The following LAMA2 variants were observed in gnomAD, a reference collection of about 807,000 sequenced individuals.
LAMA2 encodes the protein laminin subunit alpha 2, also known as laminin subunit alpha-2.
LAMA2 carries 269 observed loss-of-function variants against 364.8 expected under a neutral mutation model. The observed-to-expected ratio is 0.74, with a 90% confidence interval of 0.67 to 0.82. The LOEUF (loss-of-function observed/expected upper bound fraction) is 0.82. LAMA2 is among the 40% of genes least tolerant of loss of function. The pLI, the probability that LAMA2 is intolerant of heterozygous loss-of-function variation, is 0.00. For missense variants in LAMA2, 3,807 were observed against 3,873.2 expected, an observed-to-expected ratio of 0.98 and a Z score of 0.45; for synonymous variants, 1,379 against 1,370.6, an observed-to-expected ratio of 1.01 and a Z score of -0.14.
At chr6:129,263,437 G>T (rs1184062479) in intron 15 of LAMA2, among the ~76,000 whole-genome samples, 2 of 152,116 alleles carry the variant, frequency 1.3e-5, no homozygotes, top group African/African-American at 4.8e-5. Context: ...GTCAGGAAAG[G>T]CTTCCTGAGG....
intron 33 of LAMA2, among the ~76,000 whole-genome samples, chr6:129,369,063 T>A (rs1191512648): frequency 6.6e-6 from 1 of 152,190 alleles, no homozygotes; most frequent in Non-Finnish European, 1.5e-5. Context: ...AGCACTCAAC[T>A]GGGTGCTATT....
intron 12 of LAMA2, among the ~76,000 whole-genome samples, chr6:129,236,689 A>G (rs141114036): frequency 1.3e-5 from 2 of 152,210 alleles, no homozygotes; most frequent in African/African-American, 4.8e-5. Flanking sequence ...CTATTCTTCC[A>G]TGTTTTAATA....
At chr6:129,283,251 T>G (rs1231956676) in intron 18 of LAMA2, among the ~76,000 whole-genome samples, 2 of 152,122 alleles carry the variant, frequency 1.3e-5, no homozygotes, top group Non-Finnish European at 2.9e-5. Context: ...AGACAGAATC[T>G]TGAAGGGCTA....
At chr6:129,158,912 T>A in intron 8 of LAMA2, 1 of 1,605,800 alleles carries the variant, frequency 6.2e-7, no homozygotes, top group African/African-American at 1.3e-5. Flanking sequence ...ATTAATAGCA[T>A]CATCTGGGCA....
In LAMA2 at chr6:129,047,097, C is replaced by A. The variant is rs574057452; in HGVS notation, c.113-2821C>A. 3.3e-5 allele frequency among the ~76,000 whole-genome samples: 5 copies of A among 152,084 alleles called. No homozygotes were observed. The East Asian group carries it at 9.6e-4, about 29-fold the overall frequency. ...ATAAAATGTCTAAGATAGATAATGG[C>A]GTGGAGACCATCTAATTATTTTTAA... On this transcript the variant is annotated intron_variant, in intron 1 of 64. Transcript: ENST00000421865.
At chr6:128,986,848 A>G (rs1297365142) in intron 1 of LAMA2, among the ~76,000 whole-genome samples, 5 of 152,090 alleles carry the variant, frequency 3.3e-5, no homozygotes, top group Non-Finnish European at 7.4e-5. Flanking sequence ...ATGATGTAAA[A>G]ACTTTTACAT....
intron 53 of LAMA2, among the ~76,000 whole-genome samples, chr6:129,477,174 C>T (rs540651734): frequency 6.6e-6 from 1 of 152,284 alleles, no homozygotes; most frequent in Admixed American, 6.5e-5. Flanking sequence ...AGCCACAAGT[C>T]ACAGTAGCTA....
chr6:129,473,626 G>C (rs1443321601), intron 52 of LAMA2, among the ~76,000 whole-genome samples: 1 of 151,600 alleles, frequency 6.6e-6, no homozygotes, highest in African/African-American at 2.4e-5. Flanking sequence ...AAAGGTAGAA[G>C]CCAGAGTTGA....
chr6:129,334,126 A>T (rs755840205), intron 29 of LAMA2, among the ~76,000 whole-genome samples: 1 of 152,232 alleles, frequency 6.6e-6, no homozygotes, highest in Non-Finnish European at 1.5e-5. Flanking sequence ...ACTCCCACAC[A>T]GTAAGTGAGG....
At chr6:128,921,714 A>ATTTTTTTT (rs1229128215) in intron 1 of LAMA2, among the ~76,000 whole-genome samples, 4 of 110,314 alleles carry the variant, frequency 3.6e-5, no homozygotes, top group Admixed American at 8.7e-5. Flanking sequence ...TTTTTTTTTT[A>ATTTTTTTT]TTATTATTAT....
intron 12 of LAMA2, among the ~76,000 whole-genome samples, chr6:129,221,592 T>G (rs1431598100): frequency 2.0e-5 from 3 of 152,132 alleles, no homozygotes; most frequent in Admixed American, 2.0e-4. Flanking sequence ...TTGGCAATAA[T>G]TAAGAATTTA....
chr6:128,902,704 G>A (rs998218269), intron 1 of LAMA2, among the ~76,000 whole-genome samples: 2 of 152,076 alleles, frequency 1.3e-5, no homozygotes, highest in Admixed American at 6.5e-5. Context: ...TTTAGAGACA[G>A]GGTCTCCCTC....
At chr6:129,263,896 T>C (rs1395840811) in intron 15 of LAMA2, among the ~76,000 whole-genome samples, 1 of 151,958 alleles carries the variant, frequency 6.6e-6, no homozygotes, top group African/African-American at 2.4e-5. Flanking sequence ...TATACCACCA[T>C]GCCCAGCTAT....
At chr6:129,260,643 C>T (rs1241000507) in intron 14 of LAMA2, 68 bp from the exon 15 acceptor site, 11 of 931,626 alleles carry the variant, frequency 1.2e-5, no homozygotes, top group South Asian at 5.2e-5. Flanking sequence ...TGTTGCTGTA[C>T]GATTCCTACA....
At chr6:129,261,391 A>G (rs1465780076) in intron 15 of LAMA2, among the ~76,000 whole-genome samples, 1 of 152,212 alleles carries the variant, frequency 6.6e-6, no homozygotes, top group South Asian at 2.1e-4. Flanking sequence ...TGTTGTCTCA[A>G]TATCCTAGAT....
At chr6:129,194,210 T>TAA (rs535555128) in intron 12 of LAMA2, among the ~76,000 whole-genome samples, 3 of 148,384 alleles carry the variant, frequency 2.0e-5, no homozygotes, top group Admixed American at 1.3e-4. Flanking sequence ...ACTGTCAATT[T>TAA]AAAAAAAAAA....
chr6:129,179,784 A>AT (rs771079475), intron 10 of LAMA2, among the ~76,000 whole-genome samples: 16 of 152,178 alleles, frequency 1.1e-4, no homozygotes, highest in Non-Finnish European at 2.9e-5. Flanking sequence ...TTGTTTCAGG[A>AT]TTAAAAACTT....
At chr6:129,200,872 G>A (rs1369105099) in intron 12 of LAMA2, among the ~76,000 whole-genome samples, 1 of 151,380 alleles carries the variant, frequency 6.6e-6, no homozygotes, top group Non-Finnish European at 1.5e-5. Flanking sequence ...ATTATCTAGA[G>A]AAAAAAAATA....
At chr6:129,286,143 A>G (rs1789098448) in intron 18 of LAMA2, among the ~76,000 whole-genome samples, 1 of 152,270 alleles carries the variant, frequency 6.6e-6, no homozygotes, top group Non-Finnish European at 1.5e-5. Flanking sequence ...ATGACTGCAT[A>G]TCTGTGAGTA....
Sources: gnomAD v4.1 joint callset for allele counts (sites outside exome capture counted in the v4.1 genomes callset) on GRCh38, gnomAD v4.1.1 for gene constraint, MANE v1.5 for transcripts, NCBI Gene and HGNC (gene_info 2026-07-23, HGNC 2026-07-21) for gene names.